CREB5: variants seen among roughly 807,000 people sequenced by gnomAD.
CREB5 encodes cyclic AMP-responsive element-binding protein 5.
In CREB5, 19 loss-of-function variants were observed where a neutral mutation model predicts 57.1. The observed-to-expected ratio is 0.33, with a 90% CI of 0.23 to 0.49. The LOEUF is 0.49. Among genes scored for constraint, CREB5 ranks in the 20% least tolerant of loss-of-function variants. The probability of loss-of-function intolerance (pLI) is 0.99; values close to 1 mark genes in which losing one functional copy is unlikely to be tolerated. For missense variants in CREB5, 579 were observed against 671.6 expected, an observed-to-expected ratio of 0.86 and a Z score of 1.52; for synonymous variants, 238 against 238.3, an observed-to-expected ratio of 1.00 and a Z score of 0.01.
intron 5 of CREB5, among the ~76,000 whole-genome samples, chr7:28,663,159 A>G (rs149064187): frequency 1.3e-5 from 2 of 150,468 alleles, no homozygotes; most frequent in Non-Finnish European, 3.0e-5. Context: ...AAAAAAAGAA[A>G]GATCGAAATG....
chr7:28,669,275 A>G (rs1330742612), intron 5 of CREB5, among the ~76,000 whole-genome samples: 1 of 152,234 alleles, frequency 6.6e-6, no homozygotes, highest in Non-Finnish European at 1.5e-5. Context: ...AGATGATGCT[A>G]AAATATAGGA....
chr7:28,513,100 G>A (rs747408423), intron 4 of CREB5, among the ~76,000 whole-genome samples: 8 of 152,198 alleles, frequency 5.3e-5, no homozygotes, highest in Non-Finnish European at 8.8e-5. Context: ...GTTACCCGAT[G>A]CCACCCATTA....
At chr7:28,469,138 T>A (rs773708911) in intron 1 of CREB5, among the ~76,000 whole-genome samples, 1 of 152,200 alleles carries the variant, frequency 6.6e-6, no homozygotes, top group Non-Finnish European at 1.5e-5. Context: ...GGAGGATCAC[T>A]TGAGCCAAGG....
At chr7:28,383,200 G>C (rs1787001079) in intron 1 of CREB5, among the ~76,000 whole-genome samples, 1 of 152,140 alleles carries the variant, frequency 6.6e-6, no homozygotes, top group African/African-American at 2.4e-5. Context: ...ATGTGTACAT[G>C]TTAATGGTGA....
intron 6 of CREB5, among the ~76,000 whole-genome samples, chr7:28,723,353 G>C (rs563206828): frequency 1.3e-5 from 2 of 152,108 alleles, no homozygotes; most frequent in East Asian, 1.9e-4. Context: ...TGCCGTATTC[G>C]CTTCTTAGTA....
intron 4 of CREB5, among the ~76,000 whole-genome samples, chr7:28,560,294 G>A (rs539225182): frequency 5.3e-5 from 8 of 152,174 alleles, no homozygotes; most frequent in Non-Finnish European, 1.0e-4. Context: ...GTCACTAGTT[G>A]CGTAATGAAT....
chr7:28,760,010 A>G (rs1031091422), intron 7 of CREB5, among the ~76,000 whole-genome samples: 5 of 152,204 alleles, frequency 3.3e-5, no homozygotes, highest in African/African-American at 1.2e-4. Context: ...TAATGCCATG[A>G]TGTCAGTTCT....
chr7:28,537,599 C>A (rs150799931), intron 4 of CREB5, among the ~76,000 whole-genome samples: 268 of 152,226 alleles, frequency 1.8e-3, no homozygotes, highest in African/African-American at 5.7e-3. Context: ...AACTTGGGAG[C>A]TGCTTGACGT....
chr7:28,416,036 C>G (rs1365451105), intron 1 of CREB5, among the ~76,000 whole-genome samples: 5 of 152,146 alleles, frequency 3.3e-5, no homozygotes, highest in Admixed American at 6.5e-5. Context: ...ACAGAGGGCT[C>G]TAGAGCACCA....
At chr7:28,483,628 G>A (rs1190441079) in intron 1 of CREB5, among the ~76,000 whole-genome samples, 1 of 152,136 alleles carries the variant, frequency 6.6e-6, no homozygotes, top group African/African-American at 2.4e-5. Context: ...TCTAACCAAA[G>A]GTATCGGACT....
chr7:28,612,080 A>C (rs1797414556), intron 5 of CREB5, among the ~76,000 whole-genome samples: 1 of 152,202 alleles, frequency 6.6e-6, no homozygotes, highest in Non-Finnish European at 1.5e-5. Flanking sequence ...TGTTCTAGAA[A>C]AAGCAGAGAT....
chr7:28,491,248 C>A (rs1286957703), intron 2 of CREB5: 2 of 985,208 alleles, frequency 2.0e-6, no homozygotes, highest in Admixed American at 6.2e-5. Context: ...AACAAGAAAC[C>A]AGTGAGACAG....
intron 5 of CREB5, among the ~76,000 whole-genome samples, chr7:28,689,422 C>T (rs374491404): frequency 6.6e-6 from 1 of 152,070 alleles, no homozygotes; most frequent in Non-Finnish European, 1.5e-5. Context: ...AAGCCGAGAT[C>T]GAGCCACTGT....
chr7:28,720,903 T>G (rs1401313855), intron 6 of CREB5, among the ~76,000 whole-genome samples: 2 of 152,194 alleles, frequency 1.3e-5, no homozygotes, highest in Non-Finnish European at 2.9e-5. Context: ...AAAATTTGGC[T>G]AAGCTGTGCA....
At chr7:28,662,614 C>T (rs562780090) in intron 5 of CREB5, among the ~76,000 whole-genome samples, 26 of 152,206 alleles carry the variant, frequency 1.7e-4, no homozygotes, top group Non-Finnish European at 3.5e-4. Context: ...CGATGAGCTA[C>T]TCAACCCCCA....
chr7:28,809,037 G>T, intron 8 of CREB5, 150 bp from the exon 9 acceptor site: 2 of 645,942 alleles, frequency 3.1e-6, no homozygotes, highest in Non-Finnish European at 2.7e-6. Flanking sequence ...TGATTTCATC[G>T]TCTGTTTCAT....
chr7:28,703,330 A>G (rs764642007), intron 5 of CREB5, among the ~76,000 whole-genome samples: 6 of 152,226 alleles, frequency 3.9e-5, no homozygotes, highest in Non-Finnish European at 7.3e-5. Flanking sequence ...GAAGTACAAG[A>G]TGAGGAATCT....
At chr7:28,535,695 GGAAGAGAAGTAATGGAAAGGAGAAAA>G (rs1023426647) in intron 4 of CREB5, among the ~76,000 whole-genome samples, 43 of 152,158 alleles carry the variant, frequency 2.8e-4, no homozygotes, top group African/African-American at 9.9e-4. Flanking sequence ...GAAGGAAAAA[GGAAGAGAAGTAATGGAAAGGAGAAAA>G]GAAGGAAGAA....
Position 28,299,978 on chromosome 7 carries a change from C to T in CREB5, c.-25+537C>T, listed in dbSNP as rs556355546. ...ATTATTCAGTCAGTCCTAATTTCTC[C>T]GGATCCATTTTTGTGTAATGTGTTG... On this transcript the variant is annotated intron_variant, in intron 1 of 9. Coordinates refer to the CREB5 transcript ENST00000396299. Among the ~76,000 whole-genome samples, 174 of 152,194 alleles carry T rather than the reference C, an allele frequency of 1.1e-3. 2 individuals carry two copies. The highest frequency in any genetic ancestry group is 4.0e-3 in the African/African-American group (166 of 41,520).
Sources: gnomAD v4.1 joint callset for allele counts (sites outside exome capture counted in the v4.1 genomes callset) on GRCh38, gnomAD v4.1.1 for gene constraint, MANE v1.5 for transcripts, NCBI Gene and HGNC (gene_info 2026-07-23, HGNC 2026-07-21) for gene names.